Variants in MDGA2 observed in about 807,000 individuals in gnomAD.
The protein encoded by MDGA2 is MAM domain-containing glycosylphosphatidylinositol anchor protein 2.
Under a neutral mutation model 117.8 loss-of-function variants are expected in MDGA2, and 40 were observed. That is an observed-to-expected ratio of 0.34 (90% CI 0.26 to 0.44). The LOEUF (loss-of-function observed/expected upper bound fraction) is 0.44, where lower values mean the gene tolerates loss of function less well. Among genes scored for constraint, MDGA2 ranks in the 20% least tolerant of loss-of-function variants. The pLI is 1.00. For missense variants in MDGA2, 1,123 were observed against 1,250.6 expected (o/e 0.90, Z 1.54); for synonymous variants, 452 against 439.0 (o/e 1.03, Z -0.37).
At chr14:47,305,001 T>G (rs1443484260) in intron 1 of MDGA2, among the ~76,000 whole-genome samples, 1 of 152,146 alleles carries the variant, frequency 6.6e-6, no homozygotes, top group East Asian at 1.9e-4. Context: ...CTCTCCACAT[T>G]CAAACACGAT....
chr14:47,458,290 T>A (rs1893405818), intron 1 of MDGA2, among the ~76,000 whole-genome samples: 1 of 152,170 alleles, frequency 6.6e-6, no homozygotes, highest in African/African-American at 2.4e-5. Context: ...AGTTTGATAT[T>A]GTTCCACTTA....
chr14:47,649,754 G>C (rs1014873099), intron 1 of MDGA2, among the ~76,000 whole-genome samples: 5 of 151,894 alleles, frequency 3.3e-5, no homozygotes, highest in Admixed American at 6.6e-5. Flanking sequence ...ATTATAATAA[G>C]TACTCAGAGA....
At chr14:47,602,838 A>G (rs1056616080) in intron 1 of MDGA2, among the ~76,000 whole-genome samples, 2 of 152,180 alleles carry the variant, frequency 1.3e-5, no homozygotes, top group African/African-American at 2.4e-5. Context: ...ATGGCTCCAC[A>G]GTGCGGAACG....
At chr14:47,119,630 T>C (rs1172635985) in intron 5 of MDGA2, among the ~76,000 whole-genome samples, 1 of 152,158 alleles carries the variant, frequency 6.6e-6, no homozygotes, top group Non-Finnish European at 1.5e-5. Context: ...TTTCTTCACA[T>C]TGAACTAAGT....
chr14:47,568,016 T>C (rs901047932), intron 1 of MDGA2, among the ~76,000 whole-genome samples: 1 of 152,128 alleles, frequency 6.6e-6, no homozygotes, highest in Non-Finnish European at 1.5e-5. Context: ...CACTCCCATG[T>C]GTCCACTAAA....
chr14:47,153,083 T>C (rs901800901), intron 3 of MDGA2, among the ~76,000 whole-genome samples: 4 of 152,162 alleles, frequency 2.6e-5, no homozygotes, highest in African/African-American at 9.7e-5. Context: ...GAAACAAAAA[T>C]GGACCAAATC....
intron 1 of MDGA2, among the ~76,000 whole-genome samples, chr14:47,465,665 A>C (rs1893589010): frequency 6.6e-6 from 1 of 152,192 alleles, no homozygotes; most frequent in Non-Finnish European, 1.5e-5. Flanking sequence ...GCTATTATTA[A>C]AAAGTCAAAA....
intron 1 of MDGA2, among the ~76,000 whole-genome samples, chr14:47,590,224 A>G (rs952849810): frequency 6.6e-6 from 1 of 151,968 alleles, no homozygotes; most frequent in Admixed American, 6.6e-5. Flanking sequence ...ACCCTACAGT[A>G]TAATGTTAAC....
intron 9 of MDGA2, among the ~76,000 whole-genome samples, chr14:46,937,652 TC>T (rs1308828460): frequency 6.6e-6 from 1 of 152,122 alleles, no homozygotes; most frequent in Non-Finnish European, 1.5e-5. Context: ...AATTGACATT[TC>T]CACAGCCAAC....
intron 1 of MDGA2, among the ~76,000 whole-genome samples, chr14:47,384,562 G>T (rs7152854): frequency 0.18 from 27,663 of 151,638 alleles, 2,683 homozygotes; most frequent in Admixed American, 0.26. Flanking sequence ...ACCATTATTT[G>T]CATTCCCTCT....
At position 46,840,472 on chromosome 14, in the gene MDGA2, G is replaced by T. The variant is rs1880562453; in HGVS notation, c.*1459C>A. 1 of 152,484 alleles carries T rather than the reference G, an allele frequency of 6.6e-6. No individual in the cohort carries two copies. Among genetic ancestry groups the T allele is most frequent in the Admixed American group, 6.6e-5 (1 of 15,244 alleles). The allele number at this position is 152,484 out of a possible 1,614,324, so 9.4% of individuals were successfully genotyped here. On this transcript the variant is annotated 3_prime_UTR_variant, in exon 17 of 17. Coordinates refer to ENST00000399232, the MANE Select transcript of MDGA2 (RefSeq NM_001113498.3). ...TGGAAAACTGGCTGGTTAAAGATAT[G>T]ATTTGTCGTCAGGTAGCTCAAAATT...
intron 2 of MDGA2, among the ~76,000 whole-genome samples, chr14:47,284,153 TAAG>T (rs1254789815): frequency 1.3e-5 from 2 of 152,098 alleles, no homozygotes; most frequent in Admixed American, 6.6e-5. Context: ...TAATAAAATA[TAAG>T]AAGAAGCACC....
At chr14:47,358,865 A>G (rs977304936) in intron 1 of MDGA2, among the ~76,000 whole-genome samples, 6 of 152,216 alleles carry the variant, frequency 3.9e-5, no homozygotes, top group African/African-American at 1.4e-4. Flanking sequence ...GAAAACTAAT[A>G]TTGTTAAAAT....
chr14:47,548,461 G>A (rs181026280), intron 1 of MDGA2, among the ~76,000 whole-genome samples: 5 of 151,972 alleles, frequency 3.3e-5, no homozygotes, highest in Non-Finnish European at 2.9e-5. Context: ...TTTGCTTAAG[G>A]ACTAATCCAG....
chr14:47,126,858 T>C (rs1881928934), intron 5 of MDGA2, among the ~76,000 whole-genome samples: 1 of 152,138 alleles, frequency 6.6e-6, no homozygotes, highest in African/African-American at 2.4e-5. Context: ...TTTTTAGACA[T>C]TTTTACTTCT....
At chr14:47,398,110 T>C (rs924308114) in intron 1 of MDGA2, among the ~76,000 whole-genome samples, 2 of 152,156 alleles carry the variant, frequency 1.3e-5, no homozygotes, top group African/African-American at 4.8e-5. Context: ...GATTGGTGTC[T>C]GGTCCAGGTA....
intron 1 of MDGA2, among the ~76,000 whole-genome samples, chr14:47,411,795 A>G (rs969247741): frequency 6.6e-6 from 1 of 152,204 alleles, no homozygotes; most frequent in Non-Finnish European, 1.5e-5. Flanking sequence ...AAAATGGATC[A>G]TCAGGCATCC....
chr14:46,996,468 G>C (rs1424914351), intron 8 of MDGA2: 5 of 152,300 alleles, frequency 3.3e-5, no homozygotes, highest in Admixed American at 1.3e-4. Context: ...GTCCTCTGGG[G>C]CTTTGGAACA....
chr14:46,844,384 A>G (rs555329770), intron 16 of MDGA2, among the ~76,000 whole-genome samples: 2 of 152,246 alleles, frequency 1.3e-5, no homozygotes, highest in East Asian at 3.9e-4. Context: ...GTTCGAGACC[A>G]GCCTGGCCAA....
Sources: gnomAD v4.1 joint callset for allele counts (sites outside exome capture counted in the v4.1 genomes callset) on GRCh38, gnomAD v4.1.1 for gene constraint, MANE v1.5 for transcripts, NCBI Gene and HGNC (gene_info 2026-07-23, HGNC 2026-07-21) for gene names.